The following SPI1 variants were observed in gnomAD, a reference collection of about 807,000 sequenced individuals.
SPI1 encodes the protein Spi-1 proto-oncogene, also known as transcription factor PU.1.
SPI1 carries 3 observed loss-of-function variants against 30.7 expected under a neutral mutation model. The observed-to-expected ratio is 0.10, with a 90% confidence interval of 0.04 to 0.25. SPI1 has a LOEUF of 0.25. SPI1 is among the 10% of genes least tolerant of loss of function. The pLI is 1.00. For missense variants in SPI1, 261 were observed against 371.5 expected (o/e 0.70, Z 2.45); for synonymous variants, 169 against 157.1 (o/e 1.08, Z -0.56).
rs778314953 is a variant in SPI1 at position 47,355,278 on chromosome 11, G to A, written c.762C>T (p.Gly254=). 6.4e-7 allele frequency: 1 copy of A among 1,565,110 alleles called. No individual in the cohort carries two copies. ...VKKKLTYQFS[G]EVLGRGGLAE... ...CCAGGCCCCCGCGGCCCAGCACTTC[G>A]CCGCTGAACTGGTAGGTGAGCTTCT... The change falls in exon 5 of 5, where the codon GGC becomes GGT. Residue 254 remains glycine, a synonymous_variant. Transcript: ENST00000378538.
At position 47,375,495 on chromosome 11, in the gene SPI1, A is replaced by G; in HGVS notation, c.142+138T>C. 1.0e-5 allele frequency: 7 copies of G among 701,050 alleles called. 1 individual carries two copies. In the South Asian group the frequency reaches 1.2e-4, roughly 12 times the overall value. 43.4% of individuals were successfully genotyped at this position (701,050 alleles called of 1,614,324 possible). A position where few individuals can be genotyped will look rare whatever the true frequency, so the allele number is the denominator to read the frequency against. ...GGGTGCAGCGATGATGCTGCAGTTC[A>G]CTGCCTTTGAGAGCAAACTTGATCT... is the stretch of plus-strand genomic sequence containing the variant. On this transcript the variant is annotated intron_variant, in intron 2 of 4. Coordinates refer to ENST00000378538, the MANE Select transcript of SPI1 (RefSeq NM_003120.3). The surrounding 1 kb of genome is among the most constrained non-coding windows in gnomAD (Gnocchi z 4.2).
At chr11:47,356,784 CCT>C (rs2095910542) in intron 4 of SPI1, among the ~76,000 whole-genome samples, 1 of 151,148 alleles carries the variant, frequency 6.6e-6, no homozygotes, top group Admixed American at 6.6e-5. Flanking sequence ...CCTACCCACA[CCT>C]CACACACACT....
intron 4 of SPI1, among the ~76,000 whole-genome samples, chr11:47,356,145 C>A (rs1004485180): frequency 1.3e-5 from 2 of 151,622 alleles, no homozygotes; most frequent in African/African-American, 4.8e-5. Flanking sequence ...CACATTCACA[C>A]CCACATCTGC....
intron 1 of SPI1, among the ~76,000 whole-genome samples, chr11:47,376,208 C>T (rs757257623): frequency 6.6e-5 from 10 of 152,000 alleles, no homozygotes; most frequent in Non-Finnish European, 1.2e-4. Flanking sequence ...AGGTCACCCA[C>T]CTCACAGAGA....
At chr11:47,373,714 C>T (rs2095938845) in intron 2 of SPI1, among the ~76,000 whole-genome samples, 1 of 151,810 alleles carries the variant, frequency 6.6e-6, no homozygotes, top group African/African-American at 2.4e-5. Flanking sequence ...TGGGACAGAG[C>T]CAAGGCCGAG....
chr11:47,361,569 A>C (rs549636534), intron 2 of SPI1, among the ~76,000 whole-genome samples: 1 of 152,150 alleles, frequency 6.6e-6, no homozygotes, highest in African/African-American at 2.4e-5. Context: ...GGGGTCCAAA[A>C]TGAAGCGTGG....
In SPI1 at chr11:47,375,387, C is replaced by T. The variant is rs1279795563; in HGVS notation, c.142+246G>A. Among the ~76,000 whole-genome samples the T allele has an allele frequency of 2.0e-5, 3 of 152,222 alleles. No individual in the cohort carries two copies. The highest frequency in any genetic ancestry group is 7.2e-5 in the African/African-American group (3 of 41,458). On this transcript the variant is annotated intron_variant, in intron 2 of 4. Coordinates refer to ENST00000378538, the MANE Select transcript of SPI1 (RefSeq NM_003120.3). The surrounding 1 kb of genome is among the most constrained non-coding windows in gnomAD (Gnocchi z 4.2). ...TTGTTTATAAAGAAGACCACAAGGA[C>T]AGAACCAGCAGATAACCATGGAAGA...
intron 4 of SPI1, among the ~76,000 whole-genome samples, chr11:47,357,647 C>T (rs1312007682): frequency 6.6e-6 from 1 of 152,152 alleles, no homozygotes; most frequent in Non-Finnish European, 1.5e-5. Flanking sequence ...CTCACTGCAA[C>T]CTCCACCTCC....
chr11:47,362,590 T>TC (rs1451694895), intron 2 of SPI1, among the ~76,000 whole-genome samples: 4 of 145,314 alleles, frequency 2.8e-5, no homozygotes, highest in African/African-American at 5.1e-5. Context: ...TTTTTTTTTT[T>TC]TCTCTGAGAT....
At chr11:47,368,843 A>G (rs2095931881) in intron 2 of SPI1, among the ~76,000 whole-genome samples, 1 of 152,244 alleles carries the variant, frequency 6.6e-6, no homozygotes, top group Non-Finnish European at 1.5e-5. Context: ...ATGGATGGTG[A>G]TGATAACGTG....
intron 2 of SPI1, among the ~76,000 whole-genome samples, chr11:47,366,886 C>T (rs951418349): frequency 1.3e-5 from 2 of 151,600 alleles, no homozygotes; most frequent in South Asian, 2.1e-4. Context: ...CTGAAGGTTT[C>T]GGGGCACTTG....
chr11:47,375,243 A>C lies in SPI1; in HGVS notation c.142+390T>G, dbSNP rs1029679102. On this transcript the variant is annotated intron_variant, in intron 2 of 4. Transcript: ENST00000378538. This position sits in a 1 kb window ranked among gnomAD's most constrained non-coding sequence, Gnocchi z 4.2. Reference sequence around the variant, plus strand: ...GAGAGTGACGAGAACAGAGAGGAGGAGGTGGGTAGTTAGGCAGGGGCAGAA... The same window carrying C: ...GAGAGTGACGAGAACAGAGAGGAGGCGGTGGGTAGTTAGGCAGGGGCAGAA... Among the ~76,000 whole-genome samples the C allele has an allele frequency of 6.6e-6, 1 of 152,008 alleles. No individual in the cohort carries two copies. The highest frequency in any genetic ancestry group is 1.5e-5 in the Non-Finnish European group (1 of 67,968).
intron 2 of SPI1, among the ~76,000 whole-genome samples, chr11:47,367,403 AAGT>A (rs894893858): frequency 1.3e-5 from 2 of 151,850 alleles, no homozygotes; most frequent in Non-Finnish European, 2.9e-5. Context: ...GAAATACAAA[AAGT>A]AGCCGGGCGT....
At chr11:47,370,747 A>G (rs953944619) in intron 2 of SPI1, among the ~76,000 whole-genome samples, 1 of 152,182 alleles carries the variant, frequency 6.6e-6, no homozygotes, top group Non-Finnish European at 1.5e-5. Flanking sequence ...GAGAAAGTAC[A>G]GGTAAAGAAA....
chr11:47,376,601 C>G (rs967538932), intron 1 of SPI1, among the ~76,000 whole-genome samples: 4 of 151,676 alleles, frequency 2.6e-5, no homozygotes, highest in Middle Eastern at 3.4e-3. Flanking sequence ...CCTCCTCACT[C>G]CCCTCTGTCC....
chr11:47,359,768 G>A lies in SPI1; in HGVS notation c.330+85C>T. The A allele has an allele frequency of 6.8e-7, 1 of 1,465,518 alleles. No individual in the cohort carries two copies. The highest frequency in any genetic ancestry group is 9.3e-7 in the Non-Finnish European group (1 of 1,070,842). The allele number at this position is 1,465,518 out of a possible 1,614,324, so 90.8% of individuals were successfully genotyped here. A position where few individuals can be genotyped will look rare whatever the true frequency, so the allele number is the denominator to read the frequency against. On this transcript the variant is annotated intron_variant, in intron 3 of 4. Transcript: ENST00000378538. This position sits in a 1 kb window ranked among gnomAD's most constrained non-coding sequence, Gnocchi z 5.1. ...GGGCAGGAAGCTGAGTTGGGTAAGA[G>A]CCTGTGTCAGCTTCCTGTGAAGCTC...
chr11:47,364,234 T>C (rs1006417271), intron 2 of SPI1, among the ~76,000 whole-genome samples: 1 of 151,808 alleles, frequency 6.6e-6, no homozygotes, highest in Admixed American at 6.6e-5. Context: ...TATTTTTTAG[T>C]AGAGACGGGT....
Position 47,374,977 on chromosome 11 carries a change from A to G in SPI1, c.142+656T>C, listed in dbSNP as rs2095940452. Among the ~76,000 whole-genome samples the G allele has an allele frequency of 6.6e-6, 1 of 152,124 alleles. No homozygotes were observed. The highest frequency in any genetic ancestry group is 2.4e-5 in the African/African-American group (1 of 41,422). ...TCCTTCGGCCCAGCAGTTCCCAATT[A>G]GGGGTGATTTTGCCTCCCGGGGGGA... is the stretch of plus-strand genomic sequence containing the variant. On this transcript the variant is annotated intron_variant, in intron 2 of 4. Transcript: ENST00000378538. This position sits in a 1 kb window ranked among gnomAD's most constrained non-coding sequence, Gnocchi z 4.5.
chr11:47,378,194 G>T, intron 1 of SPI1, 115 bp downstream of exon 1: 1 of 1,150,670 alleles, frequency 8.7e-7, no homozygotes. Flanking sequence ...AGGAAACCCT[G>T]ACTTCCCACT....
Sources: gnomAD v4.1 joint callset for allele counts (sites outside exome capture counted in the v4.1 genomes callset) on GRCh38, gnomAD v4.1.1 for gene constraint, Gnocchi (gnomAD v3.1) non-coding constraint, MANE v1.5 for transcripts, NCBI Gene and HGNC (gene_info 2026-07-23, HGNC 2026-07-21) for gene names.